The following CDH13 variants were observed in gnomAD, a reference collection of about 807,000 sequenced individuals.
The protein encoded by CDH13 is cadherin 13.
In CDH13, 24 loss-of-function variants were observed where a neutral mutation model predicts 63.8. That is an observed-to-expected ratio of 0.38 (90% CI 0.27 to 0.53). CDH13 has a LOEUF of 0.53. CDH13 is among the 20% of genes least tolerant of loss of function. The pLI is 0.85. For synonymous variants in CDH13, 503 were observed against 355.3 expected, an observed-to-expected ratio of 1.42 and a Z score of -4.67; for missense variants, 1,049 against 903.1, an observed-to-expected ratio of 1.16 and a Z score of -2.07.
intron 1 of CDH13, among the ~76,000 whole-genome samples, chr16:82,809,615 T>C (rs1212894180): frequency 1.3e-5 from 2 of 152,178 alleles, no homozygotes; most frequent in East Asian, 3.9e-4. Flanking sequence ...TTACCCTTGA[T>C]TTATGTACGT....
Position 83,188,920 on chromosome 16 carries a change from G to T in CDH13, c.484-28425G>T, listed in dbSNP as rs1294499233. Among the ~76,000 whole-genome samples the T allele has an allele frequency of 2.0e-5, 3 of 152,128 alleles. No individual in the cohort carries two copies. The South Asian group carries it at 6.2e-4, about 32-fold the overall frequency. On this transcript the variant is annotated intron_variant, in intron 4 of 13. Transcript: ENST00000567109. ...AAGATATTGGGCTGGGAAGAGGCAC[G>T]CTTGGAGTGAGACCCTTCAGGAAGC...
chr16:82,801,933 C>A (rs568992478), intron 1 of CDH13, among the ~76,000 whole-genome samples: 86 of 152,166 alleles, frequency 5.7e-4, no homozygotes, highest in South Asian at 2.1e-3. Flanking sequence ...ATGCAGGAAA[C>A]TACAGTAAGG....
At chr16:83,725,255 C>T (rs543206572) in intron 10 of CDH13, among the ~76,000 whole-genome samples, 5 of 152,126 alleles carry the variant, frequency 3.3e-5, no homozygotes, top group Admixed American at 6.5e-5. Context: ...GCATGGTGGC[C>T]AAGAGAGCTA....
chr16:83,665,147 G>C (rs1468285091), intron 8 of CDH13, among the ~76,000 whole-genome samples: 4 of 151,526 alleles, frequency 2.6e-5, no homozygotes, highest in African/African-American at 9.7e-5. Flanking sequence ...ATGAGCAAGT[G>C]TGTGAGTGCC....
Position 83,753,946 on chromosome 16 carries a change from A to G in CDH13, c.1681+5696A>G, listed in dbSNP as rs1176359280. Among the ~76,000 whole-genome samples, 4 of 116,362 alleles carry G rather than the reference A, an allele frequency of 3.4e-5. No homozygotes were observed. In the East Asian group the frequency reaches 6.8e-4, roughly 20 times the overall value. The allele number at this position is 116,362 out of a possible 152,430, so 76.3% of individuals were successfully genotyped here. A position where few individuals can be genotyped will look rare whatever the true frequency, so the allele number is the denominator to read the frequency against. ...AAGAGGGAAAAGTCATTTCAAAAAG[A>G]AAACCTTTTTTTTTCTCTGGGTGCA... On this transcript the variant is annotated intron_variant, in intron 11 of 13. Coordinates refer to ENST00000567109, the MANE Select transcript of CDH13 (RefSeq NM_001257.5).
At chr16:83,338,186 A>AT (rs1332076766) in intron 5 of CDH13, among the ~76,000 whole-genome samples, 1 of 148,798 alleles carries the variant, frequency 6.7e-6, no homozygotes, top group East Asian at 2.0e-4. Context: ...CTTCTTTTTA[A>AT]AAAAAAAAAA....
chr16:83,020,442 C>G (rs1181813228), intron 2 of CDH13, among the ~76,000 whole-genome samples: 2 of 152,154 alleles, frequency 1.3e-5, no homozygotes, highest in Non-Finnish European at 2.9e-5. Flanking sequence ...GCCATGTACC[C>G]CTCAAGGTGC....
At chr16:82,767,635 C>T (rs1439911373) in intron 1 of CDH13, among the ~76,000 whole-genome samples, 2 of 152,190 alleles carry the variant, frequency 1.3e-5, no homozygotes, top group South Asian at 4.1e-4. Flanking sequence ...TTCTTTCCAT[C>T]ACTCCCTGGA....
intron 1 of CDH13, among the ~76,000 whole-genome samples, chr16:82,669,850 C>A (rs139337625): frequency 1.3e-3 from 200 of 152,314 alleles, no homozygotes; most frequent in African/African-American, 4.6e-3. Flanking sequence ...AGGGAGTTGA[C>A]AAATGGATCT....
chr16:83,720,443 A>C (rs1909540195), intron 10 of CDH13, among the ~76,000 whole-genome samples: 1 of 152,130 alleles, frequency 6.6e-6, no homozygotes, highest in Non-Finnish European at 1.5e-5. Flanking sequence ...CATTATGCCA[A>C]GCACAAGAGA....
At chr16:83,352,556 A>G (rs374215800) in intron 6 of CDH13, among the ~76,000 whole-genome samples, 1 of 152,218 alleles carries the variant, frequency 6.6e-6, no homozygotes, top group Non-Finnish European at 1.5e-5. Flanking sequence ...CACACCATAC[A>G]TACATACACA....
chr16:82,663,260 C>G (rs1265077203), intron 1 of CDH13, among the ~76,000 whole-genome samples: 2 of 152,312 alleles, frequency 1.3e-5, no homozygotes, highest in South Asian at 2.1e-4. Flanking sequence ...GATCTCGGCT[C>G]ACCGCAACCT....
chr16:82,693,657 C>T (rs1234334450), intron 1 of CDH13, among the ~76,000 whole-genome samples: 1 of 152,212 alleles, frequency 6.6e-6, no homozygotes, highest in African/African-American at 2.4e-5. Context: ...GTCAGTGAAT[C>T]ATTAATGAGC....
At chr16:83,504,142 A>G (rs1163573873) in intron 7 of CDH13, among the ~76,000 whole-genome samples, 1 of 152,260 alleles carries the variant, frequency 6.6e-6, no homozygotes, top group South Asian at 2.1e-4. Context: ...GAAATAAAAG[A>G]TGCCCGTTCC....
At chr16:83,702,651 C>T (rs1020334119) in intron 10 of CDH13, among the ~76,000 whole-genome samples, 1 of 152,198 alleles carries the variant, frequency 6.6e-6, no homozygotes, top group African/African-American at 2.4e-5. Flanking sequence ...CATCTCCCCA[C>T]CAGGCCATGA....
chr16:83,252,373 T>C (rs898317857), intron 5 of CDH13, among the ~76,000 whole-genome samples: 2 of 151,988 alleles, frequency 1.3e-5, no homozygotes, highest in African/African-American at 4.8e-5. Context: ...ATGGTTAATA[T>C]AATCATGGCC....
intron 7 of CDH13, among the ~76,000 whole-genome samples, chr16:83,554,850 A>T (rs893438253): frequency 1.3e-5 from 2 of 149,872 alleles, no homozygotes; most frequent in Admixed American, 6.7e-5. Flanking sequence ...GTCTTTCTTT[A>T]CCTCCCTGCA....
intron 7 of CDH13, among the ~76,000 whole-genome samples, chr16:83,534,531 G>A (rs1432233833): frequency 6.6e-6 from 1 of 152,190 alleles, no homozygotes. Context: ...TGAAATGAAT[G>A]TACATGGCTT....
intron 10 of CDH13, among the ~76,000 whole-genome samples, chr16:83,678,829 T>C (rs2150871361): frequency 6.6e-6 from 1 of 152,332 alleles, no homozygotes; most frequent in Middle Eastern, 3.4e-3. Context: ...AGCACTGCTT[T>C]ATGACAAAGG....
Sources: allele counts gnomAD v4.1 joint callset (sites outside exome capture counted in the v4.1 genomes callset), GRCh38; gene constraint gnomAD v4.1.1; transcripts MANE v1.5; gene names NCBI Gene and HGNC (gene_info 2026-07-23, HGNC 2026-07-21).